Variants in MRPS9 observed in about 807,000 individuals in gnomAD.
MRPS9 encodes the protein small ribosomal subunit protein uS9m.
MRPS9 carries 45 observed loss-of-function variants against 59.9 expected under a neutral mutation model. The observed-to-expected ratio is 0.75, with a 90% CI of 0.59 to 0.96. The LOEUF (loss-of-function observed/expected upper bound fraction) is 0.96. Ranked by LOEUF, MRPS9 falls within the 40% of genes least tolerant of loss-of-function variation. The pLI is 0.00. For synonymous variants in MRPS9, 171 were observed against 166.8 expected (o/e 1.03, Z -0.19); for missense variants, 473 against 481.1 (o/e 0.98, Z 0.16).
chr2:105,096,653 A>G (rs1680665996), intron 9 of MRPS9, among the ~76,000 whole-genome samples: 1 of 152,214 alleles, frequency 6.6e-6, no homozygotes, highest in East Asian at 1.9e-4. Flanking sequence ...CAAGGTCGAA[A>G]ATAGTTTTAG....
chr2:105,082,920 C>T (rs1373938662), intron 5 of MRPS9, among the ~76,000 whole-genome samples: 1 of 152,074 alleles, frequency 6.6e-6, no homozygotes, highest in African/African-American at 2.4e-5. Context: ...ACCATAGTAA[C>T]AAATGATTTC....
Position 105,049,263 on chromosome 2 carries a change from G to A in MRPS9, c.228G>A (p.Lys76=), listed in dbSNP as rs1352503708. The change falls in exon 2 of 11, where the codon AAG becomes AAA. Residue 76 remains lysine, a synonymous_variant. Coordinates refer to ENST00000258455, the MANE Select transcript of MRPS9 (RefSeq NM_182640.3). Reference sequence around the variant, plus strand: ...CTTACACAGAGGATTTTATTAAAAAGCAGATTGAAGAGTTCAACATAGGAA... The same window carrying A: ...CTTACACAGAGGATTTTATTAAAAAACAGATTGAAGAGTTCAACATAGGAA... ...RETYTEDFIK[K]QIEEFNIGKR... is the part of the protein sequence containing the mutation. 1 of 1,612,956 alleles carries A rather than the reference G, an allele frequency of 6.2e-7. No individual in the cohort carries two copies. Among genetic ancestry groups the A allele is most frequent in the Non-Finnish European group, 8.5e-7 (1 of 1,179,592 alleles).
chr2:105,039,957 T>G (rs1042606049), intron 1 of MRPS9, among the ~76,000 whole-genome samples: 2 of 152,208 alleles, frequency 1.3e-5, no homozygotes, highest in African/African-American at 2.4e-5. Flanking sequence ...AGTAAACAAT[T>G]TAAAGTCAAA....
intron 3 of MRPS9, 32 bp downstream of exon 3, chr2:105,071,407 C>T: frequency 1.3e-6 from 2 of 1,590,374 alleles, no homozygotes; most frequent in Non-Finnish European, 1.7e-6. Context: ...TTAAAAATTT[C>T]ACTTTTATAT....
intron 1 of MRPS9, among the ~76,000 whole-genome samples, chr2:105,046,132 C>T (rs1458661273): frequency 6.6e-6 from 1 of 152,008 alleles, no homozygotes; most frequent in Admixed American, 6.6e-5. Context: ...TCCCAAAGTG[C>T]TAGAATTACA....
intron 2 of MRPS9, among the ~76,000 whole-genome samples, chr2:105,061,180 T>C (rs574524830): frequency 6.7e-6 from 1 of 150,112 alleles, no homozygotes; most frequent in South Asian, 2.1e-4. Flanking sequence ...GCCTTTCTAC[T>C]GAAATAAACC....
At chr2:105,064,234 T>C (rs1378765551) in intron 2 of MRPS9, among the ~76,000 whole-genome samples, 2 of 152,080 alleles carry the variant, frequency 1.3e-5, no homozygotes, top group Admixed American at 1.3e-4. Flanking sequence ...GGAATGTGGC[T>C]GCAAGAAGGA....
intron 5 of MRPS9, among the ~76,000 whole-genome samples, chr2:105,087,265 ATGGATATGTACT>A (rs1414501754): frequency 3.3e-5 from 5 of 152,136 alleles, no homozygotes; most frequent in Non-Finnish European, 7.3e-5. Flanking sequence ...GCTGCAGGTG[ATGGATATGTACT>A]TGGGATGTAG....
intron 2 of MRPS9, 133 bp downstream of exon 2, chr2:105,049,483 GTT>G (rs3832069): frequency 0.2 from 146,353 of 730,074 alleles, 15,641 homozygotes; most frequent in Middle Eastern, 0.3. Context: ...GCTATACATT[GTT>G]TAAGTTGGAG....
At chr2:105,076,243 A>C (rs1680210550) in intron 4 of MRPS9, among the ~76,000 whole-genome samples, 1 of 152,236 alleles carries the variant, frequency 6.6e-6, no homozygotes. Flanking sequence ...CAGTATAGTT[A>C]CTGGGCGAAA....
rs184516032 is a variant in MRPS9 at position 105,095,947 on chromosome 2, T to C, written c.930-1208T>C. ...TCAGCCTCCTGAGTAGCTTGTACTT[T>C]AGGTGCTCAGCTTAAATTTTCTTTA... On this transcript the variant is annotated intron_variant, in intron 9 of 10. Coordinates refer to ENST00000258455, the MANE Select transcript of MRPS9 (RefSeq NM_182640.3). Among the ~76,000 whole-genome samples the C allele has an allele frequency of 3.3e-3, 496 of 152,236 alleles. 4 individuals are homozygous for C. The highest frequency in any genetic ancestry group is 0.011 in the African/African-American group (460 of 41,532).
intron 2 of MRPS9, among the ~76,000 whole-genome samples, chr2:105,062,561 A>G (rs1679926778): frequency 6.6e-6 from 1 of 152,220 alleles, no homozygotes; most frequent in Non-Finnish European, 1.5e-5. Flanking sequence ...TCTTGTAACA[A>G]TAGATATGTG....
At chr2:105,086,046 G>A (rs2104464715) in intron 5 of MRPS9, among the ~76,000 whole-genome samples, 1 of 152,214 alleles carries the variant, frequency 6.6e-6, no homozygotes, top group East Asian at 1.9e-4. Flanking sequence ...CTTAAGAGTG[G>A]TTTTATTATG....
intron 7 of MRPS9, chr2:105,091,490 G>A (rs1680557457): frequency 2.4e-6 from 1 of 410,610 alleles, no homozygotes; most frequent in Non-Finnish European, 5.1e-6. Flanking sequence ...TACATCATAG[G>A]AAGCTGTAGT....
At chr2:105,072,063 A>C (rs1231450836) in intron 4 of MRPS9, among the ~76,000 whole-genome samples, 1 of 152,194 alleles carries the variant, frequency 6.6e-6, no homozygotes, top group Admixed American at 6.5e-5. Flanking sequence ...GAAATTGAAT[A>C]ATATATTTAC....
intron 2 of MRPS9, among the ~76,000 whole-genome samples, chr2:105,050,486 G>A (rs1312218947): frequency 6.6e-6 from 1 of 152,146 alleles, no homozygotes; most frequent in Non-Finnish European, 1.5e-5. Flanking sequence ...TTTGTAATTA[G>A]GGACTTTGTA....
intron 6 of MRPS9, among the ~76,000 whole-genome samples, chr2:105,089,679 C>G (rs1054191263): frequency 1.3e-5 from 2 of 152,230 alleles, no homozygotes; most frequent in East Asian, 3.9e-4. Context: ...CTTTTAATAC[C>G]AAGTGAGTTC....
rs1241914685 is a variant in MRPS9, at chr2:105,088,990, T to C, written c.496T>C (p.Tyr166His). 3 of 1,608,756 alleles carry C rather than the reference T, an allele frequency of 1.9e-6. No homozygotes were observed. The highest frequency in any genetic ancestry group is 2.2e-5 in the South Asian group (2 of 90,474). ...QSYYSLMHDV[Y>H]GMLLNLEKHQ... ...TATATTTTGTTTGCCATAGGATGTATATGGAATGTTACTCAATTTAGAAAA... is the reference window on the plus strand; with the variant it reads ...TATATTTTGTTTGCCATAGGATGTACATGGAATGTTACTCAATTTAGAAAA... The change falls in exon 6 of 11, where the codon TAT becomes CAT. Residue 166 changes from tyrosine (Y) to histidine (H), a missense_variant. Coordinates refer to ENST00000258455, the MANE Select transcript of MRPS9 (RefSeq NM_182640.3).
intron 10 of MRPS9, 41 bp from the exon 11 acceptor site, chr2:105,099,629 C>T: frequency 6.4e-7 from 1 of 1,566,424 alleles, no homozygotes; most frequent in Non-Finnish European, 8.7e-7. Context: ...GGGCAGCATG[C>T]ATATTAATGG....
Sources: allele counts gnomAD v4.1 joint callset (sites outside exome capture counted in the v4.1 genomes callset), GRCh38; gene constraint gnomAD v4.1.1; transcripts MANE v1.5; gene names NCBI Gene and HGNC (gene_info 2026-07-23, HGNC 2026-07-21).